The following IL2RA variants were observed in gnomAD, a reference collection of about 807,000 sequenced individuals.
The protein encoded by IL2RA is interleukin 2 receptor subunit alpha.
A neutral mutation model predicts 37.8 loss-of-function variants in IL2RA; 24 were observed. The ratio of observed to expected loss-of-function variants is 0.63; its 90% CI spans 0.46 to 0.89. The LOEUF (loss-of-function observed/expected upper bound fraction) is 0.89. Ranked by LOEUF, IL2RA falls within the 40% of genes least tolerant of loss-of-function variation. The pLI, the probability that IL2RA is intolerant of heterozygous loss-of-function variation, is 0.00. For synonymous variants in IL2RA, 125 were observed against 114.6 expected (o/e 1.09, Z -0.58); for missense variants, 319 against 348.6 (o/e 0.92, Z 0.68).
Position 6,019,916 on chromosome 10 carries a change from G to C in IL2RA, c.609C>G (p.Pro203=). The C allele has an allele frequency of 1.2e-6, 2 of 1,614,116 alleles. No homozygotes were observed. The highest frequency in any genetic ancestry group is 1.7e-6 in the Non-Finnish European group (2 of 1,179,976). The change falls in exon 5 of 8, where the codon CCC becomes CCG. Residue 203 remains proline (P), a synonymous_variant. Transcript: ENST00000379959. ...FPGEEKPQAS[P]EGRPESETSC... is the part of the protein sequence containing the mutation. The stretch of plus-strand genomic sequence containing the variant: ...AAGTCTCACTCTCAGGACGGCCTTC[G>C]GGGCTTGCCTGAGGCTTCTCTTCAC...
rs904730730 is a variant in IL2RA at position 6,058,206 on chromosome 10, T to A, written c.64+3882A>T. 1.3e-5 allele frequency among the ~76,000 whole-genome samples: 2 copies of A among 152,144 alleles called. No individual in the cohort carries two copies. Among genetic ancestry groups the A allele is most frequent in the African/African-American group, 2.4e-5 (1 of 41,442 alleles). ...AGGCAAAAACCAGTCTGGGAATACTTCTCTATCAGGGGAGTGGGGTGGAGT... is the reference window on the plus strand; with the variant it reads ...AGGCAAAAACCAGTCTGGGAATACTACTCTATCAGGGGAGTGGGGTGGAGT... On this transcript the variant is annotated intron_variant, in intron 1 of 7. Coordinates refer to ENST00000379959, the MANE Select transcript of IL2RA (RefSeq NM_000417.3). The surrounding 1 kb of genome is among the most constrained non-coding windows in gnomAD (Gnocchi z 4.2).
chr10:6,041,104 G>T (rs949918127), intron 1 of IL2RA, among the ~76,000 whole-genome samples: 1 of 151,106 alleles, frequency 6.6e-6, no homozygotes, highest in Non-Finnish European at 1.5e-5. Flanking sequence ...GAACTTAAAG[G>T]GTGAGTTAAT....
intron 1 of IL2RA, among the ~76,000 whole-genome samples, chr10:6,043,138 A>T (rs1839797982): frequency 6.6e-6 from 1 of 152,232 alleles, no homozygotes; most frequent in Non-Finnish European, 1.5e-5. Context: ...AGATTAATAA[A>T]CTTGGCATTA....
rs532366615 is a variant in IL2RA, at chr10:6,043,118, A to C, written c.65-17093T>G. ...TCAGATACAATCTAATTGTCCATCA[A>C]AAGAAGGTTAGATTAATAAACTTGG... On this transcript the variant is annotated intron_variant, in intron 1 of 7. Transcript: ENST00000379959. Among the ~76,000 whole-genome samples, 9 of 152,328 alleles carry C rather than the reference A, an allele frequency of 5.9e-5. No individual in the cohort carries two copies. In the South Asian group the frequency reaches 1.9e-3, roughly 32 times the overall value.
intron 1 of IL2RA, among the ~76,000 whole-genome samples, chr10:6,050,709 G>A (rs966761826): frequency 6.6e-6 from 1 of 152,222 alleles, no homozygotes; most frequent in African/African-American, 2.4e-5. Flanking sequence ...TGGCCATGAG[G>A]AATCTGTAAG....
intron 1 of IL2RA, among the ~76,000 whole-genome samples, chr10:6,038,672 GC>G (rs1313324853): frequency 6.6e-6 from 1 of 152,136 alleles, no homozygotes; most frequent in African/African-American, 2.4e-5. Context: ...ACATAAATGC[GC>G]ACAAAGAAGC....
At chr10:6,031,516 ATATATG>A (rs200181984) in intron 1 of IL2RA, among the ~76,000 whole-genome samples, 1,771 of 92,526 alleles carry the variant, frequency 0.019, 62 homozygotes, top group African/African-American at 0.072. Context: ...ATATATGTAT[ATATATG>A]TATATATATA....
At position 6,024,262 on chromosome 10, in the gene IL2RA, C is replaced by T. The variant is rs1392523029; in HGVS notation, c.349G>A (p.Asp117Asn). The change falls in exon 3 of 8, where the codon GAC (aspartate) becomes AAC (asparagine). Residue 117 changes from aspartate to asparagine, a missense_variant. Physicochemically the swap from Asp to Asn is conservative, Grantham distance 23. Coordinates refer to ENST00000379959, the MANE Select transcript of IL2RA (RefSeq NM_000417.3). Reference protein sequence around the residue: ...TEMQSPMQPVDQASLPGHCRE... With the variant: ...TEMQSPMQPVNQASLPGHCRE... ...CTCTCACCTGGAAGGCTCGCTTGGT[C>T]CACTGGCTGCATTGGACTTTGCATT... 1.2e-6 allele frequency: 2 copies of T among 1,613,080 alleles called. No individual in the cohort carries two copies. The highest frequency in any genetic ancestry group is 2.7e-5 in the African/African-American group (2 of 74,914).
chr10:6,055,799 ACC>A (rs1564554296), intron 1 of IL2RA, among the ~76,000 whole-genome samples: 1 of 6,742 alleles, frequency 1.5e-4, no homozygotes, highest in African/African-American at 6.1e-4. Context: ...GGCGCCCCCC[ACC>A]TCCCGGACGG....
In IL2RA at chr10:6,054,152, C is replaced by G. The variant is rs1028570525; in HGVS notation, c.64+7936G>C. On this transcript the variant is annotated intron_variant, in intron 1 of 7. Transcript: ENST00000379959. This position sits in a 1 kb window ranked among gnomAD's most constrained non-coding sequence, Gnocchi z 4.5. Reference sequence around the variant, plus strand: ...CTGAACCCCTCCTTAAGCAGGATGCCTGGATCCGGGTCGAGGGCTGCAGGC... The same window carrying G: ...CTGAACCCCTCCTTAAGCAGGATGCGTGGATCCGGGTCGAGGGCTGCAGGC... Among the ~76,000 whole-genome samples, 3 of 152,240 alleles carry G rather than the reference C, an allele frequency of 2.0e-5. No homozygotes were observed. The highest frequency in any genetic ancestry group is 4.4e-5 in the Non-Finnish European group (3 of 68,044).
In IL2RA at chr10:6,056,642, T is replaced by A. The variant is rs1180937579; in HGVS notation, c.64+5446A>T. ...GGTGGTGCACACCTGTAATCCCAGC[T>A]ACTCAGGAGACAGAGGCAGGAGAAT... On this transcript the variant is annotated intron_variant, in intron 1 of 7. Coordinates refer to ENST00000379959, the MANE Select transcript of IL2RA (RefSeq NM_000417.3). This position sits in a 1 kb window ranked among gnomAD's most constrained non-coding sequence, Gnocchi z 5.0. Among the ~76,000 whole-genome samples the A allele has an allele frequency of 6.6e-6, 1 of 152,012 alleles. No individual in the cohort carries two copies. Among genetic ancestry groups the A allele is most frequent in the Non-Finnish European group, 1.5e-5 (1 of 68,012 alleles).
chr10:6,050,790 G>T (rs1839940234), intron 1 of IL2RA, among the ~76,000 whole-genome samples: 1 of 152,240 alleles, frequency 6.6e-6, no homozygotes, highest in African/African-American at 2.4e-5. Flanking sequence ...CCCAGTGCAG[G>T]ACGAGGAGGA....
Position 6,012,830 on chromosome 10 carries a change from GTTCCCGGC to G in IL2RA, c.*34_*41del. 1 of 1,603,334 alleles carries G rather than the reference GTTCCCGGC, an allele frequency of 6.2e-7. No individual in the cohort carries two copies. Among genetic ancestry groups the G allele is most frequent in the Non-Finnish European group, 8.5e-7 (1 of 1,170,240 alleles). On this transcript the variant is annotated 3_prime_UTR_variant, in exon 8 of 8. Transcript: ENST00000379959. This position sits in a 1 kb window ranked among gnomAD's most constrained non-coding sequence, Gnocchi z 4.8. ...TTGGGCTTCATGACTTCTGTTGTCT[GTTCCCGGC>G]TTCTTACCAAGAAATTCTTGTTCTT...
chr10:6,059,824 G>T (rs756228364), intron 1 of IL2RA, among the ~76,000 whole-genome samples: 2 of 152,040 alleles, frequency 1.3e-5, no homozygotes, highest in African/African-American at 4.8e-5. Context: ...ATAGCCCAAC[G>T]CTCCGTAGAT....
rs1185564448 is a variant in IL2RA at position 6,044,429 on chromosome 10, T to G, written c.64+17659A>C. On this transcript the variant is annotated intron_variant, in intron 1 of 7. Transcript: ENST00000379959. This position sits in a 1 kb window ranked among gnomAD's most constrained non-coding sequence, Gnocchi z 4.5. ...TATCTGCTTTTAATTACACGCAGTT[T>G]AAGGGGCAGTTTGCAGAAATTTCTA... is the stretch of plus-strand genomic sequence containing the variant. Among the ~76,000 whole-genome samples the G allele has an allele frequency of 1.3e-5, 2 of 152,220 alleles. No individual in the cohort carries two copies. The highest frequency in any genetic ancestry group is 2.9e-5 in the Non-Finnish European group (2 of 68,036).
intron 1 of IL2RA, among the ~76,000 whole-genome samples, chr10:6,059,192 G>A (rs1840089349): frequency 6.6e-6 from 1 of 152,122 alleles, no homozygotes; most frequent in African/African-American, 2.4e-5. Context: ...CCTTGTGATT[G>A]GACTATTTTA....
chr10:6,013,141 G>A (rs1027769638), intron 7 of IL2RA, among the ~76,000 whole-genome samples: 4 of 152,132 alleles, frequency 2.6e-5, no homozygotes, highest in African/African-American at 9.7e-5. Flanking sequence ...GTTTTTATAT[G>A]GCAGACAATA....
chr10:6,045,479 T>C (rs1252745378), intron 1 of IL2RA, among the ~76,000 whole-genome samples: 1 of 152,178 alleles, frequency 6.6e-6, no homozygotes, highest in African/African-American at 2.4e-5. Flanking sequence ...GCGCTGGTTA[T>C]GTTCTAATCC....
chr10:6,017,572 A>ATTTTTTTT lies in IL2RA; in HGVS notation c.794+473_794+480dup, dbSNP rs71390109. On this transcript the variant is annotated intron_variant, in intron 7 of 7. Transcript: ENST00000379959. ...GCCTTCCCATTTCCCTGGTCGTTTAATTTTTTTTTTTTTTTTTTTTTGAGA... is the reference window on the plus strand; with the variant it reads ...GCCTTCCCATTTCCCTGGTCGTTTAATTTTTTTTTTTTTTTTTTTTTTTTTTTTTGAGA... 9.6e-4 allele frequency among the ~76,000 whole-genome samples: 101 copies of ATTTTTTTT among 104,856 alleles called. 5 individuals are homozygous for ATTTTTTTT. Among genetic ancestry groups the ATTTTTTTT allele is most frequent in the South Asian group, 1.4e-3 (4 of 2,918 alleles). The allele number at this position is 104,856 out of a possible 152,430, so 68.8% of individuals were successfully genotyped here.
Sources: allele counts gnomAD v4.1 joint callset (sites outside exome capture counted in the v4.1 genomes callset), GRCh38; gene constraint gnomAD v4.1.1; non-coding constraint Gnocchi (gnomAD v3.1); transcripts MANE v1.5; gene names NCBI Gene and HGNC (gene_info 2026-07-23, HGNC 2026-07-21).